PLCL2: variants seen among roughly 807,000 people sequenced by gnomAD.
The protein encoded by PLCL2 is phospholipase C like 2, also known as inactive phospholipase C-like protein 2.
A neutral mutation model predicts 79.6 loss-of-function variants in PLCL2; 4 were observed. The ratio of observed to expected loss-of-function variants is 0.05; its 90% CI spans 0.02 to 0.11. The LOEUF is 0.11. PLCL2 is among the 10% of genes least tolerant of loss of function. The probability of loss-of-function intolerance (pLI) is 1.00; values close to 1 mark genes in which losing one functional copy is unlikely to be tolerated. For missense variants in PLCL2, 895 were observed against 1,291.0 expected (o/e 0.69, Z 4.70); for synonymous variants, 484 against 457.7 (o/e 1.06, Z -0.73).
chr3:16,914,589 G>A (rs752773250), intron 1 of PLCL2, among the ~76,000 whole-genome samples: 14 of 150,536 alleles, frequency 9.3e-5, no homozygotes, highest in South Asian at 4.2e-4. Flanking sequence ...ATCTTTTTGC[G>A]TAGATTTGGT....
At chr3:16,993,898 T>C (rs2064127777) in intron 1 of PLCL2, among the ~76,000 whole-genome samples, 1 of 152,206 alleles carries the variant, frequency 6.6e-6, no homozygotes, top group Non-Finnish European at 1.5e-5. Context: ...CTTAATCATA[T>C]GTTCTGTGGC....
chr3:16,948,673 A>C (rs1052134178), intron 1 of PLCL2, among the ~76,000 whole-genome samples: 15 of 152,216 alleles, frequency 9.9e-5, no homozygotes, highest in African/African-American at 3.4e-4. Context: ...TGAATTTACT[A>C]ATCTGAGGAA....
intron 3 of PLCL2, among the ~76,000 whole-genome samples, chr3:17,015,830 A>G (rs891996936): frequency 6.6e-6 from 1 of 152,216 alleles, no homozygotes; most frequent in African/African-American, 2.4e-5. Flanking sequence ...AATATTTTTG[A>G]CTGTTTCATA....
intron 1 of PLCL2, among the ~76,000 whole-genome samples, chr3:16,945,256 ACAC>A (rs2063589928): frequency 6.6e-6 from 1 of 151,718 alleles, no homozygotes; most frequent in African/African-American, 2.4e-5. Context: ...ACACACACAC[ACAC>A]ACATACACAC....
At chr3:16,998,227 G>A (rs930065238) in intron 1 of PLCL2, among the ~76,000 whole-genome samples, 1 of 152,006 alleles carries the variant, frequency 6.6e-6, no homozygotes, top group Non-Finnish European at 1.5e-5. Flanking sequence ...TCCTGAAATA[G>A]TGAAGAACCA....
At chr3:17,088,568 A>T (rs1259535462) in intron 5 of PLCL2, among the ~76,000 whole-genome samples, 1 of 152,232 alleles carries the variant, frequency 6.6e-6, no homozygotes, top group East Asian at 1.9e-4. Flanking sequence ...TGGAATTTAC[A>T]GCAATAGAGC....
At chr3:17,000,953 T>G (rs1258348872) in intron 1 of PLCL2, among the ~76,000 whole-genome samples, 3 of 152,146 alleles carry the variant, frequency 2.0e-5, no homozygotes, top group African/African-American at 7.2e-5. Context: ...GAGGGATTAC[T>G]GGATTATATG....
In PLCL2 at chr3:17,042,893, C is replaced by T. The variant is rs745717465; in HGVS notation, c.3038C>T (p.Ala1013Val). ...TYDMMIQSLK[A>V]LIENADAVYE... ...TTGCAGATGATTCAGTCCCTCAAGG[C>T]GTTGATTGAAAATGCAGATGCTGTA... The change falls in exon 4 of 6, where the codon GCG becomes GTG. Residue 1013 changes from alanine (A) to valine (V), a missense_variant. Coordinates refer to ENST00000615277, the MANE Select transcript of PLCL2 (RefSeq NM_001144382.2). 11 of 1,611,422 alleles carry T rather than the reference C, an allele frequency of 6.8e-6. No homozygotes were observed. The highest frequency in any genetic ancestry group is 2.2e-5 in the East Asian group (1 of 44,848).
rs1418602229 is a variant in PLCL2, at chr3:17,011,135, G to C, written c.1789G>C (p.Gly597Arg). 1 of 1,614,104 alleles carries C rather than the reference G, an allele frequency of 6.2e-7. No homozygotes were observed. Among genetic ancestry groups the C allele is most frequent in the Admixed American group, 1.7e-5 (1 of 60,016 alleles). ...DEGAEMSQRM[G>R]KENMEQPNNV... ...AGGAGCAGAAATGTCTCAGAGGATG[G>C]GAAAAGAGAACATGGAGCAACCCAA... Residue 597 changes from glycine (G) to arginine (R), a missense_variant, in exon 2 of 6, where the codon GGA becomes CGA. Gly to Arg is a moderately radical substitution (Grantham distance 125, BLOSUM62 -2). Coordinates refer to ENST00000615277, the MANE Select transcript of PLCL2 (RefSeq NM_001144382.2). The surrounding 1 kb of genome is among the most constrained non-coding windows in gnomAD (Gnocchi z 7.9).
At chr3:16,974,518 C>G (rs2063904558) in intron 1 of PLCL2, among the ~76,000 whole-genome samples, 1 of 152,156 alleles carries the variant, frequency 6.6e-6, no homozygotes, top group Non-Finnish European at 1.5e-5. Context: ...CCACCAAAGA[C>G]CAGCTATGTC....
rs541928511 is a variant in PLCL2 at position 17,070,214 on chromosome 3, T to C, written c.3204+2149T>C. Among the ~76,000 whole-genome samples, 3 of 152,308 alleles carry C rather than the reference T, an allele frequency of 2.0e-5. No individual in the cohort carries two copies. In the South Asian group the frequency reaches 6.2e-4, roughly 32 times the overall value. ...CAAGTCCCACCCTAGTCCTGCTGATTCAGAACCTGCATTTTTACAAGATCC... is the reference window on the plus strand; with the variant it reads ...CAAGTCCCACCCTAGTCCTGCTGATCCAGAACCTGCATTTTTACAAGATCC... On this transcript the variant is annotated intron_variant, in intron 5 of 5. Transcript: ENST00000615277.
chr3:17,022,909 G>A lies in PLCL2; in HGVS notation c.3018+7998G>A, dbSNP rs1038210005. On this transcript the variant is annotated intron_variant, in intron 3 of 5. Transcript: ENST00000615277. ...AAACTTCATCTATTGCATTCATTAC[G>A]TTATTCGTTTTGGACTGTAAATGCT... is the stretch of plus-strand genomic sequence containing the variant. 5.3e-5 allele frequency among the ~76,000 whole-genome samples: 8 copies of A among 152,256 alleles called. No individual in the cohort carries two copies. In the East Asian group the frequency reaches 5.8e-4, roughly 11 times the overall value.
chr3:16,885,279 G>A lies in PLCL2; in HGVS notation c.240G>A (p.Ala80=). The A allele has an allele frequency of 1.5e-6, 1 of 661,168 alleles. No individual in the cohort carries two copies. Among genetic ancestry groups the A allele is most frequent in the Non-Finnish European group, 2.7e-6 (1 of 365,792 alleles). The allele number at this position is 661,168 out of a possible 1,614,324, so 41.0% of individuals were successfully genotyped here. A position where few individuals can be genotyped will look rare whatever the true frequency, so the allele number is the denominator to read the frequency against. Residue 80 remains alanine, a synonymous_variant, in exon 1 of 6, where the codon GCG becomes GCA. Coordinates refer to ENST00000615277, the MANE Select transcript of PLCL2 (RefSeq NM_001144382.2). ...CTACCAGGGGACCCCGCGGCGTTGC[G>A]CTCGCCCCGACCCCCAGCGCGGTCG... ...ASPTRGPRGV[A]LAPTPSAVVC... is the part of the protein sequence containing the mutation.
intron 4 of PLCL2, among the ~76,000 whole-genome samples, chr3:17,046,694 AAT>A (rs1186095155): frequency 3.3e-5 from 5 of 152,176 alleles, no homozygotes; most frequent in Non-Finnish European, 5.9e-5. Flanking sequence ...GGAGCAACAA[AAT>A]TCTAGAAACT....
At chr3:17,064,928 CAAAA>C (rs1395020243) in intron 4 of PLCL2, among the ~76,000 whole-genome samples, 1 of 57,168 alleles carries the variant, frequency 1.7e-5, no homozygotes, top group Non-Finnish European at 3.6e-5. Context: ...GACTCTGTCT[CAAAA>C]AAAAAAAAAA....
intron 1 of PLCL2, among the ~76,000 whole-genome samples, chr3:16,980,554 C>G (rs910801327): frequency 2.6e-5 from 4 of 151,296 alleles, no homozygotes; most frequent in South Asian, 4.2e-4. Flanking sequence ...CGGGCAGAGA[C>G]GCTCCTCACT....
At chr3:17,008,002 A>G (rs2064280571) in intron 1 of PLCL2, among the ~76,000 whole-genome samples, 1 of 152,188 alleles carries the variant, frequency 6.6e-6, no homozygotes, top group Non-Finnish European at 1.5e-5. Context: ...CATACAAGGA[A>G]GGACTTAAAT....
chr3:17,079,510 C>G (rs1464632789), intron 5 of PLCL2, among the ~76,000 whole-genome samples: 2 of 152,184 alleles, frequency 1.3e-5, no homozygotes, highest in Non-Finnish European at 2.9e-5. Context: ...AATCATGCTG[C>G]TAAATGGTTG....
At chr3:16,941,398 C>A (rs947109735) in intron 1 of PLCL2, among the ~76,000 whole-genome samples, 2 of 152,130 alleles carry the variant, frequency 1.3e-5, no homozygotes, top group Admixed American at 6.6e-5. Flanking sequence ...AGATGATTCT[C>A]TTTTAAAAAC....
Sources: gnomAD v4.1 joint callset for allele counts (sites outside exome capture counted in the v4.1 genomes callset) on GRCh38, gnomAD v4.1.1 for gene constraint, Gnocchi (gnomAD v3.1) non-coding constraint, MANE v1.5 for transcripts, NCBI Gene and HGNC (gene_info 2026-07-23, HGNC 2026-07-21) for gene names.